The following DLC1 variants were observed in gnomAD, a reference collection of about 807,000 sequenced individuals.
The protein encoded by DLC1 is DLC1 Rho GTPase activating protein.
In DLC1, 54 loss-of-function variants were observed where a neutral mutation model predicts 140.3. The ratio of observed to expected loss-of-function variants is 0.38; its 90% CI spans 0.31 to 0.48. DLC1 has a LOEUF of 0.48. Ranked by LOEUF, DLC1 falls within the 20% of genes least tolerant of loss-of-function variation. DLC1 has a pLI of 0.96. For missense variants in DLC1, 2,536 were observed against 1,907.0 expected (o/e 1.33, Z -6.14); for synonymous variants, 986 against 728.1 (o/e 1.35, Z -5.70).
intron 2 of DLC1, among the ~76,000 whole-genome samples, chr8:13,438,524 T>G (rs1007661515): frequency 6.6e-6 from 1 of 152,140 alleles, no homozygotes; most frequent in Non-Finnish European, 1.5e-5. Context: ...CCCCAAATCC[T>G]GATTTACTGT....
At chr8:13,419,974 C>A (rs1013639551) in intron 2 of DLC1, among the ~76,000 whole-genome samples, 2 of 152,162 alleles carry the variant, frequency 1.3e-5, no homozygotes, top group Non-Finnish European at 2.9e-5. Flanking sequence ...TTATCCATTT[C>A]TTCTAGATTT....
intron 1 of DLC1, among the ~76,000 whole-genome samples, chr8:13,591,087 A>T (rs1461165332): frequency 1.3e-5 from 2 of 152,136 alleles, no homozygotes; most frequent in African/African-American, 2.4e-5. Flanking sequence ...CAGGTCACAG[A>T]GTGTGGGGTT....
intron 2 of DLC1, among the ~76,000 whole-genome samples, chr8:13,433,131 A>C (rs114537258): frequency 6.6e-6 from 1 of 152,098 alleles, no homozygotes; most frequent in Non-Finnish European, 1.5e-5. Flanking sequence ...TGTGTTAGCT[A>C]TTGAAGAGAA....
At chr8:13,540,396 A>G (rs531167064) in intron 1 of DLC1, among the ~76,000 whole-genome samples, 1 of 152,132 alleles carries the variant, frequency 6.6e-6, no homozygotes, top group Non-Finnish European at 1.5e-5. Context: ...TTCTTAATGG[A>G]TTATTTTTGT....
chr8:13,594,067 G>C (rs1304309563), intron 1 of DLC1, among the ~76,000 whole-genome samples: 2 of 152,046 alleles, frequency 1.3e-5, no homozygotes, highest in Non-Finnish European at 2.9e-5. Flanking sequence ...GTCCTGAGGT[G>C]GGAGGATCGC....
intron 2 of DLC1, among the ~76,000 whole-genome samples, chr8:13,465,836 G>A (rs982624057): frequency 7.9e-5 from 12 of 151,756 alleles, no homozygotes; most frequent in African/African-American, 2.4e-4. Context: ...CCTCTCATTG[G>A]TTCTGTGAGA....
At chr8:13,193,446 C>G (rs148989675) in intron 5 of DLC1, among the ~76,000 whole-genome samples, 2 of 152,040 alleles carry the variant, frequency 1.3e-5, no homozygotes, top group Non-Finnish European at 2.9e-5. Context: ...TCCACCACAC[C>G]TCTAATAGTT....
rs372063612 is a variant in DLC1, at chr8:13,086,421, T to C, written c.4335A>G (p.Leu1445=). Residue 1445 remains leucine, a synonymous_variant, in exon 17 of 18, where the codon TTA becomes TTG. Coordinates refer to ENST00000276297, the MANE Select transcript of DLC1 (RefSeq NM_182643.3). ...CGCGATCGTGATCCACAGAGGTTAG[T>C]AAAAGGGCACAGGCTCCTTTGGGTA... is the stretch of plus-strand genomic sequence containing the variant. The part of the protein sequence containing the change: ...TNLPKGACAL[L]LTSVDHDRAP... The C allele has an allele frequency of 2.0e-5, 32 of 1,614,114 alleles. No homozygotes were observed. The highest frequency in any genetic ancestry group is 2.6e-5 in the Non-Finnish European group (31 of 1,180,052).
chr8:13,250,915 C>T (rs1405538224), intron 5 of DLC1, among the ~76,000 whole-genome samples: 3 of 147,492 alleles, frequency 2.0e-5, no homozygotes, highest in Non-Finnish European at 4.5e-5. Flanking sequence ...TTTAAGATGA[C>T]TACATTTAAT....
At chr8:13,094,442 G>A (rs1349385918) in intron 12 of DLC1, among the ~76,000 whole-genome samples, 2 of 152,084 alleles carry the variant, frequency 1.3e-5, no homozygotes, top group African/African-American at 4.8e-5. Context: ...GAGGTGGGAG[G>A]ATCACTTGAG....
chr8:13,142,919 C>T (rs1158022142), intron 5 of DLC1, among the ~76,000 whole-genome samples: 2 of 151,970 alleles, frequency 1.3e-5, no homozygotes, highest in African/African-American at 4.8e-5. Flanking sequence ...TGTGGTGGCA[C>T]ATTCCTGTAA....
chr8:13,096,198 T>G (rs1025546237), intron 10 of DLC1: 1 of 152,244 alleles, frequency 6.6e-6, no homozygotes, highest in Non-Finnish European at 1.5e-5. Flanking sequence ...CTTTTACAGT[T>G]GGTTTTGAGT....
chr8:13,441,877 A>T (rs1798525447), intron 2 of DLC1, among the ~76,000 whole-genome samples: 1 of 152,218 alleles, frequency 6.6e-6, no homozygotes, highest in South Asian at 2.1e-4. Context: ...ATGGAACCAA[A>T]AAAGGGCCTG....
At position 13,085,270 on chromosome 8, in the gene DLC1, C is replaced by G. The variant is rs1015216666; in HGVS notation, c.*541G>C. 6.5e-6 allele frequency: 1 copy of G among 152,726 alleles called. No homozygotes were observed. Among genetic ancestry groups the G allele is most frequent in the African/African-American group, 2.4e-5 (1 of 41,452 alleles). The allele number at this position is 152,726 out of a possible 1,614,324, so 9.5% of individuals were successfully genotyped here. A position where few individuals can be genotyped will look rare whatever the true frequency, so the allele number is the denominator to read the frequency against. The stretch of plus-strand genomic sequence containing the variant: ...AAACTGAACCTGATGCATCAATCTC[C>G]TTCTTGGAGGTGTCTCAGTGTGCCA... On this transcript the variant is annotated 3_prime_UTR_variant, in exon 18 of 18. Coordinates refer to ENST00000276297, the MANE Select transcript of DLC1 (RefSeq NM_182643.3).
chr8:13,158,947 C>A (rs1824478847), intron 5 of DLC1, among the ~76,000 whole-genome samples: 2 of 152,036 alleles, frequency 1.3e-5, no homozygotes, highest in Non-Finnish European at 2.9e-5. Flanking sequence ...CCCTGAGCCC[C>A]TGAACCTTTG....
intron 7 of DLC1, among the ~76,000 whole-genome samples, chr8:13,105,731 C>G (rs1346855527): frequency 1.3e-5 from 2 of 151,798 alleles, no homozygotes; most frequent in African/African-American, 4.8e-5. Flanking sequence ...GTGCCCGCCA[C>G]CAGGCCCAGC....
At chr8:13,252,771 G>C (rs1176723711) in intron 5 of DLC1, among the ~76,000 whole-genome samples, 1 of 152,150 alleles carries the variant, frequency 6.6e-6, no homozygotes, top group African/African-American at 2.4e-5. Context: ...ATGCTCCAAA[G>C]AACTGTTCCA....
At chr8:13,251,238 C>T (rs1241901286) in intron 5 of DLC1, among the ~76,000 whole-genome samples, 1 of 152,220 alleles carries the variant, frequency 6.6e-6, no homozygotes, top group Non-Finnish European at 1.5e-5. Context: ...ATACCTTCCA[C>T]TTACCCCAAT....
intron 4 of DLC1, among the ~76,000 whole-genome samples, chr8:13,318,413 G>T (rs930447654): frequency 6.6e-6 from 1 of 152,022 alleles, no homozygotes; most frequent in Non-Finnish European, 1.5e-5. Context: ...GTCAAATAGA[G>T]ACAAGGTCAT....
Sources: gnomAD v4.1 joint callset for allele counts (sites outside exome capture counted in the v4.1 genomes callset) on GRCh38, gnomAD v4.1.1 for gene constraint, MANE v1.5 for transcripts, NCBI Gene and HGNC (gene_info 2026-07-23, HGNC 2026-07-21) for gene names.